The following ABTB3 variants were observed in gnomAD, a reference collection of about 807,000 sequenced individuals.
The protein encoded by ABTB3 is ankyrin repeat- and BTB/POZ domain-containing protein 3.
At chr12:107,471,059 T>C in the ABTB3 span, among the ~76,000 whole-genome samples, 1 of 152,234 alleles carries the variant, frequency 6.6e-6, no homozygotes. Flanking sequence ...AATAAATTGC[T>C]GCGTGGCTTG....
At chr12:107,369,349 A>G in the ABTB3 span, among the ~76,000 whole-genome samples, 93,607 of 150,940 alleles carry the variant, frequency 0.62, 29,314 homozygotes, top group South Asian at 0.75. Context: ...TTTCCCCATC[A>G]AGATGAGATG....
the ABTB3 span, chr12:107,612,683 C>A: frequency 1.7e-6 from 2 of 1,168,866 alleles, no homozygotes; most frequent in Non-Finnish European, 1.2e-6. Flanking sequence ...ACAAGCATGG[C>A]CTCCGAAACA....
the ABTB3 span, among the ~76,000 whole-genome samples, chr12:107,387,852 C>G: frequency 0.016 from 2,465 of 152,182 alleles, 38 homozygotes; most frequent in Non-Finnish European, 0.022. Context: ...GCTTTGTTGA[C>G]TTTTTCATGA....
chr12:107,390,481 T>A, the ABTB3 span, among the ~76,000 whole-genome samples: 1 of 152,242 alleles, frequency 6.6e-6, no homozygotes, highest in African/African-American at 2.4e-5. Flanking sequence ...CTTGCCACTT[T>A]CAATCAACTC....
At chr12:107,475,156 C>T in the ABTB3 span, among the ~76,000 whole-genome samples, 11 of 152,182 alleles carry the variant, frequency 7.2e-5, no homozygotes, top group Non-Finnish European at 1.5e-4. Flanking sequence ...TAAATAACCC[C>T]ACTTCACTTT....
the ABTB3 span, among the ~76,000 whole-genome samples, chr12:107,396,922 C>G: frequency 6.6e-6 from 1 of 152,124 alleles, no homozygotes; most frequent in African/African-American, 2.4e-5. Flanking sequence ...TTTCATTTAC[C>G]TATAAAAGAG....
chr12:107,463,226 G>A, the ABTB3 span, among the ~76,000 whole-genome samples: 1 of 151,568 alleles, frequency 6.6e-6, no homozygotes, highest in Non-Finnish European at 1.5e-5. Context: ...GGTGGTGGTA[G>A]TGATGATGGT....
chr12:107,459,369 C>A, the ABTB3 span, among the ~76,000 whole-genome samples: 1 of 152,312 alleles, frequency 6.6e-6, no homozygotes, highest in East Asian at 1.9e-4. Flanking sequence ...TGAGTGCCAG[C>A]TACTATGGTA....
chr12:107,602,283 T>A, the ABTB3 span, among the ~76,000 whole-genome samples: 38 of 152,324 alleles, frequency 2.5e-4, no homozygotes, highest in Middle Eastern at 0.01. Flanking sequence ...CTGGGTAAGG[T>A]CTACTGTGAT....
chr12:107,576,775 C>T, the ABTB3 span, among the ~76,000 whole-genome samples: 8 of 152,180 alleles, frequency 5.3e-5, no homozygotes, highest in Admixed American at 3.3e-4. Flanking sequence ...CTCTTTACCA[C>T]GTCTCCAACC....
At chr12:107,636,001 C>T in the ABTB3 span, among the ~76,000 whole-genome samples, 1 of 152,080 alleles carries the variant, frequency 6.6e-6, no homozygotes, top group East Asian at 1.9e-4. Flanking sequence ...TGCACTGTGC[C>T]GGCTCCAGCC....
chr12:107,411,735 T>C, the ABTB3 span, among the ~76,000 whole-genome samples: 67 of 152,328 alleles, frequency 4.4e-4, 1 homozygote, highest in Admixed American at 3.0e-3. Flanking sequence ...ACTTCCCTCG[T>C]CTTGCAGGAC....
At chr12:107,613,815 A>G in the ABTB3 span, among the ~76,000 whole-genome samples, 1 of 151,950 alleles carries the variant, frequency 6.6e-6, no homozygotes, top group Non-Finnish European at 1.5e-5. Flanking sequence ...ACCCTGGGAA[A>G]CCTTTTCAGT....
chr12:107,617,386 C>T, the ABTB3 span: 16 of 1,614,150 alleles, frequency 9.9e-6, no homozygotes, highest in Non-Finnish European at 1.4e-5. Context: ...TTTCTACAAC[C>T]CCCCAGGGTG....
the ABTB3 span, chr12:107,374,813 G>T: frequency 9.6e-5 from 15 of 156,034 alleles, no homozygotes; most frequent in Non-Finnish European, 1.9e-4. Flanking sequence ...GAATGCCAAC[G>T]GCTCTGATGG....
At chr12:107,420,188 G>A in the ABTB3 span, among the ~76,000 whole-genome samples, 1 of 152,118 alleles carries the variant, frequency 6.6e-6, no homozygotes, top group Non-Finnish European at 1.5e-5. Flanking sequence ...CCAGTGGGGG[G>A]ATTTCCGATG....
the ABTB3 span, among the ~76,000 whole-genome samples, chr12:107,608,279 CT>C: frequency 4.6e-5 from 7 of 152,236 alleles, no homozygotes; most frequent in African/African-American, 1.7e-4. Context: ...TCAGTTGGCT[CT>C]ATCACATCTC....
At chr12:107,408,869 T>C in the ABTB3 span, among the ~76,000 whole-genome samples, 1 of 152,248 alleles carries the variant, frequency 6.6e-6, no homozygotes, top group African/African-American at 2.4e-5. Context: ...GATGCTGTGC[T>C]GGGTGCCAGG....
chr12:107,475,433 G>T, the ABTB3 span, among the ~76,000 whole-genome samples: 6 of 152,322 alleles, frequency 3.9e-5, no homozygotes, highest in South Asian at 1.2e-3. Context: ...ATCCAAGGGG[G>T]AGTGTAAACC....
Sources: gnomAD v4.1 joint callset for allele counts (sites outside exome capture counted in the v4.1 genomes callset) on GRCh38, gnomAD v4.1.1 for gene constraint, MANE v1.5 for transcripts, NCBI Gene and HGNC (gene_info 2026-07-23, HGNC 2026-07-21) for gene names.